The following TDRD9 variants were observed in gnomAD, a reference collection of about 807,000 sequenced individuals.
TDRD9 encodes the protein ATP-dependent RNA helicase TDRD9.
In TDRD9, 124 loss-of-function variants were observed where a neutral mutation model predicts 172.6. The observed-to-expected ratio is 0.72, with a 90% CI of 0.62 to 0.83. The LOEUF is 0.83. Ranked by LOEUF, TDRD9 falls within the 40% of genes least tolerant of loss-of-function variation. The probability of loss-of-function intolerance (pLI) is 0.00; values close to 1 mark genes in which losing one functional copy is unlikely to be tolerated. For synonymous variants in TDRD9, 619 were observed against 617.1 expected (o/e 1.00, Z -0.05); for missense variants, 1,479 against 1,714.1 (o/e 0.86, Z 2.42).
intron 34 of TDRD9, among the ~76,000 whole-genome samples, chr14:104,046,020 A>G (rs1299437307): frequency 6.6e-6 from 1 of 152,120 alleles, no homozygotes; most frequent in Non-Finnish European, 1.5e-5. Context: ...ACAGTGGTGC[A>G]GTCTCGACTC....
At chr14:103,939,370 C>T (rs1181049230) in intron 1 of TDRD9, among the ~76,000 whole-genome samples, 4 of 152,172 alleles carry the variant, frequency 2.6e-5, no homozygotes, top group Non-Finnish European at 5.9e-5. Context: ...ACGTTTGCTA[C>T]TTACTGTATT....
intron 5 of TDRD9, among the ~76,000 whole-genome samples, chr14:103,968,501 C>T (rs2032852693): frequency 6.6e-6 from 1 of 151,970 alleles, no homozygotes; most frequent in African/African-American, 2.4e-5. Flanking sequence ...GATAAAGTAG[C>T]TTGGGCCGGG....
At chr14:103,934,646 T>TG (rs1246555402) in intron 1 of TDRD9, among the ~76,000 whole-genome samples, 1 of 152,084 alleles carries the variant, frequency 6.6e-6, no homozygotes, top group Admixed American at 6.6e-5. Context: ...GGCGTGGTGG[T>TG]GGGCGGGCGC....
chr14:104,034,010 C>A lies in TDRD9; in HGVS notation c.3560C>A (p.Ala1187Asp). The change falls in exon 31 of 36, where the codon GCC (alanine) becomes GAC (aspartate). Residue 1187 changes from alanine (A) to aspartate (D), a missense_variant. By Grantham distance (126) the Ala-to-Asp change is moderately radical (BLOSUM62 -2). This residue lies in a region of TDRD9 where 1,413 missense variants were observed against 1,649.1 expected (regional missense o/e 0.86). Transcript: ENST00000409874. Reference sequence around the variant, plus strand: ...ATCAACTCTGTCATTATCAGTGACGCCCCTGAAGACCTTCACCAGAGAATG... The same window carrying A: ...ATCAACTCTGTCATTATCAGTGACGACCCTGAAGACCTTCACCAGAGAATG... Reference protein sequence around the residue: ...ESINSVIISDAPEDLHQRMLV... With the variant: ...ESINSVIISDDPEDLHQRMLV... 4 of 1,551,558 alleles carry A rather than the reference C, an allele frequency of 2.6e-6. No individual in the cohort carries two copies. The highest frequency in any genetic ancestry group is 3.5e-6 in the Non-Finnish European group (4 of 1,146,754).
intron 2 of TDRD9, among the ~76,000 whole-genome samples, chr14:103,958,383 G>C (rs1313751477): frequency 6.6e-6 from 1 of 152,134 alleles, no homozygotes; most frequent in African/African-American, 2.4e-5. Flanking sequence ...TGCTGCTAGG[G>C]AGTAGACAGT....
At chr14:103,971,390 C>A (rs193018536) in intron 6 of TDRD9, among the ~76,000 whole-genome samples, 1 of 151,708 alleles carries the variant, frequency 6.6e-6, no homozygotes, top group Non-Finnish European at 1.5e-5. Context: ...CTGCCACCTC[C>A]GCCTCCCAGG....
intron 7 of TDRD9, among the ~76,000 whole-genome samples, chr14:103,982,858 G>A (rs558787417): frequency 2.0e-4 from 31 of 152,188 alleles, no homozygotes; most frequent in South Asian, 1.7e-3. Context: ...CCAAGATCAC[G>A]CCCTTGCACT....
Position 104,004,404 on chromosome 14 carries a change from G to A in TDRD9, c.1581+69G>A, listed in dbSNP as rs1272573142. ...TTATTTATTTATTTATTTATGAGAC[G>A]GAGTCTTGCACTGTTGTCTGGACTG... On this transcript the variant is annotated intron_variant, in intron 14 of 35. Coordinates refer to ENST00000409874, the MANE Select transcript of TDRD9 (RefSeq NM_153046.3). 6.4e-5 allele frequency: 56 copies of A among 874,062 alleles called. 1 individual carries two copies. The East Asian group carries it at 1.2e-3, about 18-fold the overall frequency. 54.1% of individuals were successfully genotyped at this position (874,062 alleles called of 1,614,324 possible).
At chr14:104,015,934 C>A in intron 21 of TDRD9, 47 bp from the exon 22 acceptor site, 1 of 1,348,520 alleles carries the variant, frequency 7.4e-7, no homozygotes, top group Non-Finnish European at 1.0e-6. Context: ...GTGAGAATAA[C>A]TGATAAAATA....
intron 7 of TDRD9, 60 bp from the exon 8 acceptor site, chr14:103,986,157 G>A (rs1566760746): frequency 6.4e-6 from 8 of 1,248,098 alleles, no homozygotes; most frequent in South Asian, 2.5e-5. Flanking sequence ...CCCATCCAAC[G>A]CCAGGTTTCT....
chr14:104,050,092 G>C (rs1349816117), intron 35 of TDRD9, among the ~76,000 whole-genome samples: 2 of 152,138 alleles, frequency 1.3e-5, no homozygotes, highest in African/African-American at 4.8e-5. Flanking sequence ...CCACGGGTAG[G>C]GGCTTAGGAA....
intron 1 of TDRD9, chr14:103,940,001 GACTTA>G (rs1055739973): frequency 2.0e-5 from 3 of 151,454 alleles, no homozygotes; most frequent in Middle Eastern, 3.4e-3. Context: ...AGGTTCCTTG[GACTTA>G]ACTTTAAGAA....
At chr14:103,995,831 C>A in intron 12 of TDRD9, 24 bp downstream of exon 12, 1 of 1,590,586 alleles carries the variant, frequency 6.3e-7, no homozygotes, top group Admixed American at 1.8e-5. Context: ...CCGTTTACCT[C>A]CTGGCATTAG....
At chr14:103,957,340 C>CG (rs2032296862) in intron 2 of TDRD9, among the ~76,000 whole-genome samples, 1 of 152,162 alleles carries the variant, frequency 6.6e-6, no homozygotes, top group African/African-American at 2.4e-5. Context: ...TTTCATCAGC[C>CG]CTTTGGTGCT....
chr14:104,030,641 A>T (rs1176653354), intron 28 of TDRD9, among the ~76,000 whole-genome samples: 1 of 152,342 alleles, frequency 6.6e-6, no homozygotes, highest in East Asian at 1.9e-4. Context: ...CTTTTGTTTG[A>T]ATCTTAAAAT....
chr14:103,943,742 A>G (rs1169134610), intron 1 of TDRD9, among the ~76,000 whole-genome samples: 4 of 152,216 alleles, frequency 2.6e-5, no homozygotes, highest in Non-Finnish European at 5.9e-5. Context: ...ACGACTGCAT[A>G]GTGGTTTTCC....
intron 34 of TDRD9, among the ~76,000 whole-genome samples, chr14:104,045,226 C>G (rs1001560326): frequency 3.9e-5 from 6 of 152,098 alleles, no homozygotes; most frequent in Non-Finnish European, 7.4e-5. Flanking sequence ...CATAGGCTGG[C>G]TCTGGCTTCT....
At chr14:103,974,573 T>G (rs996867182) in intron 6 of TDRD9, among the ~76,000 whole-genome samples, 1 of 152,212 alleles carries the variant, frequency 6.6e-6, no homozygotes, top group Non-Finnish European at 1.5e-5. Flanking sequence ...AGATCCCGTT[T>G]TCTTTGCTGG....
chr14:104,034,117 C>A, intron 31 of TDRD9, 48 bp downstream of exon 31: 1 of 1,231,970 alleles, frequency 8.1e-7, no homozygotes, highest in Non-Finnish European at 1.2e-6. Context: ...TTTTCTTTTC[C>A]TTGACTTCAG....
Sources: allele counts gnomAD v4.1 joint callset (sites outside exome capture counted in the v4.1 genomes callset), GRCh38; gene constraint gnomAD v4.1.1; regional missense constraint gnomAD v4.1.1; transcripts MANE v1.5; gene names NCBI Gene and HGNC (gene_info 2026-07-23, HGNC 2026-07-21).